Variants in ITGA1 observed in about 807,000 individuals in gnomAD.
The protein encoded by ITGA1 is integrin alpha-1.
Under a neutral mutation model 145.9 loss-of-function variants are expected in ITGA1, and 85 were observed. That is an observed-to-expected ratio of 0.58 (90% CI 0.49 to 0.70). The LOEUF (loss-of-function observed/expected upper bound fraction) is 0.70, where lower values mean the gene tolerates loss of function less well. Ranked by LOEUF, ITGA1 falls within the 30% of genes least tolerant of loss-of-function variation. ITGA1 has a pLI of 0.00. For synonymous variants in ITGA1, 520 were observed against 495.3 expected (o/e 1.05, Z -0.66); for missense variants, 1,351 against 1,418.7 (o/e 0.95, Z 0.77).
intron 2 of ITGA1, among the ~76,000 whole-genome samples, chr5:52,852,386 G>T (rs909013355): frequency 3.3e-5 from 5 of 152,104 alleles, no homozygotes; most frequent in Non-Finnish European, 7.4e-5. Flanking sequence ...ACTATAATCT[G>T]GTACTTAAGG....
intron 3 of ITGA1, 127 bp from the exon 4 acceptor site, chr5:52,864,636 A>G: frequency 1.6e-6 from 1 of 632,474 alleles, no homozygotes; most frequent in Non-Finnish European, 2.8e-6. Flanking sequence ...TGGAAGACTA[A>G]TTAGTTGAAC....
In ITGA1 at chr5:52,897,497, C is replaced by G. The variant is rs1242461988; in HGVS notation, c.1133C>G (p.Ser378Cys). The change falls in exon 10 of 29, where the codon TCT (serine) becomes TGT (cysteine). Residue 378 changes from serine (S) to cysteine (C), a missense_variant. Transcript: ENST00000282588. ...GCAGCTTCATTTGAAATGGAAATGT[C>G]TCAGACTGGCTTCAGTGCTCATTAT... is the stretch of plus-strand genomic sequence containing the variant. ...QSAASFEMEM[S>C]QTGFSAHYSQ... The G allele has an allele frequency of 6.2e-7, 1 of 1,613,216 alleles. No homozygotes were observed. Among genetic ancestry groups the G allele is most frequent in the South Asian group, 1.1e-5 (1 of 91,058 alleles).
rs1190634638 is a variant in ITGA1 at position 52,833,157 on chromosome 5, ACT to A, written c.62-16206_62-16205del. On this transcript the variant is annotated intron_variant, in intron 1 of 28. Coordinates refer to ENST00000282588, the MANE Select transcript of ITGA1 (RefSeq NM_181501.2). ...CAGTGAGCCAAGATAGTGCCACTGC[ACT>A]CCAACCTGAGTGACGGACCGAGACT... Among the ~76,000 whole-genome samples, 5 of 150,934 alleles carry A rather than the reference ACT, an allele frequency of 3.3e-5. No individual in the cohort carries two copies. The East Asian group carries it at 9.8e-4, about 30-fold the overall frequency.
chr5:52,842,797 T>C (rs1749276364), intron 1 of ITGA1, among the ~76,000 whole-genome samples: 1 of 151,950 alleles, frequency 6.6e-6, no homozygotes, highest in South Asian at 2.1e-4. Context: ...GCAATTCTCC[T>C]GCCTCAGCCT....
At chr5:52,865,199 C>A in intron 5 of ITGA1, 117 bp downstream of exon 5, 2 of 686,236 alleles carry the variant, frequency 2.9e-6, no homozygotes, top group Non-Finnish European at 4.8e-6. Flanking sequence ...ACCAGCATTA[C>A]CAATTTAGGT....
chr5:52,926,362 G>T (rs757636643), intron 19 of ITGA1, among the ~76,000 whole-genome samples: 6 of 152,042 alleles, frequency 3.9e-5, no homozygotes, highest in Non-Finnish European at 7.4e-5. Flanking sequence ...CAGCACTTTG[G>T]GAGACCGAGG....
At chr5:52,938,363 C>CA (rs1005514660) in intron 24 of ITGA1, among the ~76,000 whole-genome samples, 1 of 152,078 alleles carries the variant, frequency 6.6e-6, no homozygotes, top group African/African-American at 2.4e-5. Flanking sequence ...GTGCCTAAAA[C>CA]AAAAAATCAC....
intron 14 of ITGA1, among the ~76,000 whole-genome samples, chr5:52,910,830 T>G (rs1413612257): frequency 1.4e-5 from 2 of 143,514 alleles, no homozygotes; most frequent in Admixed American, 1.4e-4. Context: ...ATATGTAGTG[T>G]GCATATGGTA....
chr5:52,845,561 G>A (rs1270910174), intron 1 of ITGA1, among the ~76,000 whole-genome samples: 1 of 152,204 alleles, frequency 6.6e-6, no homozygotes. Context: ...CAAAATAATT[G>A]GTGGTGATGT....
At chr5:52,933,553 TTCAGCA>T (rs200511152) in intron 22 of ITGA1, 9,689 of 156,436 alleles carry the variant, frequency 0.062, 783 homozygotes, top group African/African-American at 0.19. Flanking sequence ...CTATTTAGAA[TTCAGCA>T]TTACATTTTA....
chr5:52,871,757 T>C (rs1749780052), intron 6 of ITGA1, among the ~76,000 whole-genome samples: 1 of 152,188 alleles, frequency 6.6e-6, no homozygotes, highest in Non-Finnish European at 1.5e-5. Flanking sequence ...CCATTCTATG[T>C]TTCTGTGTGG....
intron 14 of ITGA1, among the ~76,000 whole-genome samples, chr5:52,912,740 G>GTA (rs1554046519): frequency 1.3e-3 from 158 of 125,964 alleles, no homozygotes; most frequent in African/African-American, 2.7e-3. Flanking sequence ...GTGTGTGTGT[G>GTA]TATATATATA....
At chr5:52,946,728 A>G (rs949670086) in intron 27 of ITGA1, among the ~76,000 whole-genome samples, 1 of 152,176 alleles carries the variant, frequency 6.6e-6, no homozygotes, top group African/African-American at 2.4e-5. Flanking sequence ...AAAGCGGTCC[A>G]TTTTACAGCT....
chr5:52,955,607 G>A lies in ITGA1; in HGVS notation c.*3156G>A, dbSNP rs1329722221. 1.3e-5 allele frequency: 2 copies of A among 152,028 alleles called. No individual in the cohort carries two copies. 9.4% of individuals were successfully genotyped at this position (152,028 alleles called of 1,614,324 possible). A position where few individuals can be genotyped will look rare whatever the true frequency, so the allele number is the denominator to read the frequency against. ...CAGGAGAAGGAAGGAGTTGAAAGAA[G>A]GAAAATATAAAGGGTGATCCACAGT... is the stretch of plus-strand genomic sequence containing the variant. On this transcript the variant is annotated 3_prime_UTR_variant, in exon 29 of 29. Transcript: ENST00000282588.
chr5:52,793,870 T>C (rs934228168), intron 1 of ITGA1, among the ~76,000 whole-genome samples: 1 of 152,066 alleles, frequency 6.6e-6, no homozygotes, highest in East Asian at 1.9e-4. Flanking sequence ...AATGTTCCAG[T>C]TGCACAGGAT....
At chr5:52,926,008 A>G (rs1750799793) in intron 19 of ITGA1, among the ~76,000 whole-genome samples, 1 of 152,190 alleles carries the variant, frequency 6.6e-6, no homozygotes, top group Admixed American at 6.5e-5. Flanking sequence ...GTAAGATGCT[A>G]TATCAGAGGT....
intron 1 of ITGA1, chr5:52,801,379 T>G: frequency 6.4e-7 from 1 of 1,566,646 alleles, no homozygotes; most frequent in Non-Finnish European, 8.7e-7. Flanking sequence ...AGGAGATTAT[T>G]TTGCCTAACT....
intron 19 of ITGA1, among the ~76,000 whole-genome samples, chr5:52,926,225 G>T (rs142036775): frequency 0.025 from 3,749 of 152,148 alleles, 104 homozygotes; most frequent in Admixed American, 0.083. Flanking sequence ...CTCTCTATCT[G>T]TTAGGATATC....
intron 28 of ITGA1, among the ~76,000 whole-genome samples, chr5:52,951,194 A>G (rs910397775): frequency 4.6e-5 from 7 of 152,204 alleles, no homozygotes; most frequent in Admixed American, 4.6e-4. Context: ...ATAATTTGCC[A>G]TAATTTCGTG....
Sources: gnomAD v4.1 joint callset for allele counts (sites outside exome capture counted in the v4.1 genomes callset) on GRCh38, gnomAD v4.1.1 for gene constraint, MANE v1.5 for transcripts, NCBI Gene and HGNC (gene_info 2026-07-23, HGNC 2026-07-21) for gene names.